Variants in IPPK observed in about 807,000 individuals in gnomAD.
The protein encoded by IPPK is inositol-pentakisphosphate 2-kinase, also known as IPK1 homolog.
IPPK carries 22 observed loss-of-function variants against 64.6 expected under a neutral mutation model. The ratio of observed to expected loss-of-function variants is 0.34; its 90% CI spans 0.24 to 0.49. The LOEUF (loss-of-function observed/expected upper bound fraction) is 0.49. Ranked by LOEUF, IPPK falls within the 20% of genes least tolerant of loss-of-function variation. The pLI is 0.99. For synonymous variants in IPPK, 262 were observed against 247.2 expected, an observed-to-expected ratio of 1.06 and a Z score of -0.56; for missense variants, 532 against 630.7, an observed-to-expected ratio of 0.84 and a Z score of 1.68.
In IPPK at chr9:92,615,961, G is replaced by C. The variant is rs759398242; in HGVS notation, c.1347C>G (p.Pro449=). 1.2e-6 allele frequency: 2 copies of C among 1,614,086 alleles called. No homozygotes were observed. The highest frequency in any genetic ancestry group is 8.5e-7 in the Non-Finnish European group (1 of 1,179,996). The change falls in exon 13 of 13, where the codon CCC becomes CCG. Residue 449 remains proline, a synonymous_variant. Coordinates refer to ENST00000287996, the MANE Select transcript of IPPK (RefSeq NM_022755.6). ...TCTTGCCGTCCAGTTTATACTGATG[G>C]GGAATGCTCTCGTAGGGCTTGAGGT... is the stretch of plus-strand genomic sequence containing the variant. ...DLDLKPYESI[P]HQYKLDGKIV... is the part of the protein sequence containing the mutation.
At position 92,613,350 on chromosome 9, in the gene IPPK, G is replaced by A. The variant is rs1280967768; in HGVS notation, c.*2482C>T. On this transcript the variant is annotated 3_prime_UTR_variant, in exon 13 of 13. Coordinates refer to ENST00000287996, the MANE Select transcript of IPPK (RefSeq NM_022755.6). ...TAAGTATAAAATGCCAAATAAAAGT[G>A]ACACGTACAATGTGGTTTATAAAAA... 8.8e-6 allele frequency: 5 copies of A among 565,522 alleles called. No individual in the cohort carries two copies. The highest frequency in any genetic ancestry group is 1.5e-5 in the Non-Finnish European group (5 of 323,242). 35.0% of individuals were successfully genotyped at this position (565,522 alleles called of 1,614,324 possible).
intron 7 of IPPK, 101 bp from the exon 8 acceptor site, chr9:92,640,883 A>AG (rs1852033072): frequency 2.4e-6 from 2 of 839,682 alleles, no homozygotes; most frequent in Admixed American, 1.7e-5. Context: ...GGGTACTCCC[A>AG]GGGGCCGCTG....
intron 2 of IPPK, 114 bp downstream of exon 2, chr9:92,658,520 G>A: frequency 1.1e-6 from 1 of 890,778 alleles, no homozygotes; most frequent in African/African-American, 1.7e-5. Context: ...TGCACTGAAT[G>A]CTTGTATCAT....
intron 8 of IPPK, 21 bp from the exon 9 acceptor site, chr9:92,638,301 G>C (rs772164082): frequency 1.2e-6 from 2 of 1,604,692 alleles, no homozygotes; most frequent in Admixed American, 3.4e-5. Context: ...GGAAAAGAAA[G>C]AGGGAAACGT....
At position 92,638,201 on chromosome 9, in the gene IPPK, G is replaced by A. The variant is rs971622282; in HGVS notation, c.716C>T (p.Pro239Leu). 6 of 1,614,254 alleles carry A rather than the reference G, an allele frequency of 3.7e-6. No homozygotes were observed. The highest frequency in any genetic ancestry group is 5.1e-6 in the Non-Finnish European group (6 of 1,180,048). Residue 239 changes from proline (P) to leucine (L), a missense_variant, in exon 9 of 13, where the codon CCG (proline) becomes CTG (leucine). Transcript: ENST00000287996. The part of the protein sequence containing the change: ...DWSELAHHLK[P>L]FFFPSNGLAS... ...CAGGCCGTTGGAAGGGAAGAAGAAC[G>A]GCTTCAGGTGGTGTGCAAGCTCGCT...
At position 92,635,364 on chromosome 9, in the gene IPPK, G is replaced by T. The variant is rs1207964413; in HGVS notation, c.917-56C>A. 2.5e-6 allele frequency: 4 copies of T among 1,571,674 alleles called. No individual in the cohort carries two copies. Among genetic ancestry groups the T allele is most frequent in the African/African-American group, 2.7e-5 (2 of 73,558 alleles). ...ATGTTGATTATCAAAGAACGTGGAG[G>T]GAGACACAGGCCGGCGCAGACCGCA... is the stretch of plus-strand genomic sequence containing the variant. On this transcript the variant is annotated intron_variant, in intron 9 of 12. Coordinates refer to ENST00000287996, the MANE Select transcript of IPPK (RefSeq NM_022755.6). This position sits in a 1 kb window ranked among gnomAD's most constrained non-coding sequence, Gnocchi z 4.4.
intron 11 of IPPK, among the ~76,000 whole-genome samples, chr9:92,622,758 C>T (rs912941920): frequency 9.9e-5 from 15 of 151,626 alleles, no homozygotes; most frequent in Non-Finnish European, 2.2e-4. Flanking sequence ...TTTGTTTGTG[C>T]TTTTCCTGCA....
At chr9:92,622,763 C>T (rs1466210610) in intron 11 of IPPK, among the ~76,000 whole-genome samples, 1 of 151,274 alleles carries the variant, frequency 6.6e-6, no homozygotes, top group African/African-American at 2.4e-5. Context: ...TTGTGCTTTT[C>T]CTGCAGAACT....
chr9:92,660,666 T>C (rs1050626327), intron 1 of IPPK, among the ~76,000 whole-genome samples: 1 of 152,018 alleles, frequency 6.6e-6, no homozygotes, highest in African/African-American at 2.4e-5. Context: ...AAATACCAAC[T>C]ACAAGAACAC....
chr9:92,669,816 AC>A (rs1485591025), intron 1 of IPPK, 91 bp downstream of exon 1: 6 of 939,674 alleles, frequency 6.4e-6, no homozygotes, highest in Admixed American at 2.0e-5. Flanking sequence ...GGGACGTGGA[AC>A]CGACCCTGTT....
intron 2 of IPPK, 67 bp from the exon 3 acceptor site, chr9:92,656,618 G>A (rs536623635): frequency 1.0e-5 from 11 of 1,095,616 alleles, no homozygotes; most frequent in African/African-American, 1.5e-5. Flanking sequence ...CTTGAGGGGA[G>A]AGGCAAAAAC....
chr9:92,632,540 A>C (rs1391511850), intron 11 of IPPK, among the ~76,000 whole-genome samples: 1 of 152,254 alleles, frequency 6.6e-6, no homozygotes, highest in Non-Finnish European at 1.5e-5. Flanking sequence ...ATAAAAAGGA[A>C]ATAAAGTCCT....
chr9:92,663,253 TAACA>T (rs1305349276), intron 1 of IPPK, among the ~76,000 whole-genome samples: 1 of 152,220 alleles, frequency 6.6e-6, no homozygotes, highest in Non-Finnish European at 1.5e-5. Context: ...TACCTTTAGA[TAACA>T]AACACTTCCC....
intron 4 of IPPK, among the ~76,000 whole-genome samples, chr9:92,650,375 G>C (rs1852241616): frequency 6.6e-6 from 1 of 152,110 alleles, no homozygotes; most frequent in Non-Finnish European, 1.5e-5. Context: ...TTTATGTAGG[G>C]GGTAGCTTCA....
intron 11 of IPPK, among the ~76,000 whole-genome samples, chr9:92,631,152 G>A (rs1851835157): frequency 6.6e-6 from 1 of 151,362 alleles, no homozygotes; most frequent in South Asian, 2.1e-4. Flanking sequence ...GCACTGAAAT[G>A]AAGACAATAT....
chr9:92,650,910 C>T, intron 4 of IPPK, among the ~76,000 whole-genome samples: 1 of 152,162 alleles, frequency 6.6e-6, no homozygotes. Context: ...GGGCTCCAGG[C>T]ACCCCAGGGA....
intron 2 of IPPK, among the ~76,000 whole-genome samples, chr9:92,658,074 G>A (rs557839367): frequency 3.9e-5 from 6 of 152,278 alleles, no homozygotes; most frequent in South Asian, 2.1e-4. Context: ...GGAAGCCTCC[G>A]CGACTCGGTA....
At chr9:92,627,075 G>C (rs567149241) in intron 11 of IPPK, among the ~76,000 whole-genome samples, 6 of 152,174 alleles carry the variant, frequency 3.9e-5, no homozygotes, top group African/African-American at 1.4e-4. Context: ...AGAAGAGGAA[G>C]AAAACTATAA....
intron 1 of IPPK, 119 bp downstream of exon 1, chr9:92,669,789 A>T: frequency 1.5e-6 from 1 of 654,962 alleles, no homozygotes; most frequent in Non-Finnish European, 2.6e-6. Flanking sequence ...CCGGCCGGGG[A>T]GGAGGAAGGT....
Sources: allele counts gnomAD v4.1 joint callset (sites outside exome capture counted in the v4.1 genomes callset), GRCh38; gene constraint gnomAD v4.1.1; non-coding constraint Gnocchi (gnomAD v3.1); transcripts MANE v1.5; gene names NCBI Gene and HGNC (gene_info 2026-07-23, HGNC 2026-07-21).